The following CLUH variants were observed in gnomAD, a reference collection of about 807,000 sequenced individuals.
The protein encoded by CLUH is clustered mitochondria protein homolog.
CLUH carries 77 observed loss-of-function variants against 139.3 expected under a neutral mutation model. That is an observed-to-expected ratio of 0.55 (90% CI 0.46 to 0.67). The LOEUF is 0.67. Ranked by LOEUF, CLUH falls within the 30% of genes least tolerant of loss-of-function variation. The pLI is 0.00. For synonymous variants in CLUH, 999 were observed against 801.6 expected, an observed-to-expected ratio of 1.25 and a Z score of -4.16; for missense variants, 1,876 against 1,875.8, an observed-to-expected ratio of 1.00 and a Z score of 0.00.
chr17:2,699,627 TGAG>T (rs2151710073), intron 9 of CLUH, among the ~76,000 whole-genome samples: 2 of 140,310 alleles, frequency 1.4e-5, no homozygotes, highest in South Asian at 4.9e-4. Flanking sequence ...TGTGCCTGGC[TGAG>T]ATTTCTTTTT....
At position 2,704,277 on chromosome 17, in the gene CLUH, A is replaced by G. The variant is rs940780482; in HGVS notation, c.303+85T>C. The G allele has an allele frequency of 4.2e-5, 59 of 1,400,676 alleles. 1 individual carries two copies. The East Asian group carries it at 1.4e-3, about 33-fold the overall frequency. The allele number at this position is 1,400,676 out of a possible 1,614,324, so 86.8% of individuals were successfully genotyped here. A position where few individuals can be genotyped will look rare whatever the true frequency, so the allele number is the denominator to read the frequency against. On this transcript the variant is annotated intron_variant, in intron 2 of 25. Coordinates refer to ENST00000651024, the MANE Select transcript of CLUH (RefSeq NM_001366661.1). This position sits in a 1 kb window ranked among gnomAD's most constrained non-coding sequence, Gnocchi z 5.7. ...TTTCCTGCCACAAAATGGGGCCGGT[A>G]GGAGCACGAGCAAGGCTGAGCTTTC...
intron 1 of CLUH, among the ~76,000 whole-genome samples, chr17:2,708,800 G>A (rs900392877): frequency 2.0e-5 from 3 of 149,538 alleles, no homozygotes; most frequent in African/African-American, 7.4e-5. Flanking sequence ...CTCCCGAGGG[G>A]CCCGGCAGCA....
At chr17:2,709,282 C>A (rs1411898056) in intron 1 of CLUH, among the ~76,000 whole-genome samples, 1 of 152,174 alleles carries the variant, frequency 6.6e-6, no homozygotes, top group African/African-American at 2.4e-5. Context: ...AGGTGCATCA[C>A]CCGTCCCGGG....
Position 2,701,664 on chromosome 17 carries a change from C to A in CLUH, c.693G>T (p.Gly231=). 6.2e-7 allele frequency: 1 copy of A among 1,601,400 alleles called. No homozygotes were observed. Among genetic ancestry groups the A allele is most frequent in the Non-Finnish European group, 8.5e-7 (1 of 1,173,878 alleles). Residue 231 remains glycine, a synonymous_variant, in exon 5 of 26, where the codon GGG becomes GGT. Coordinates refer to ENST00000651024, the MANE Select transcript of CLUH (RefSeq NM_001366661.1). ...DCTPPEYILP[G]SRERPLCPLQ... ...GGGGACACAGTGGCCGCTCCCGGCT[C>A]CCTGGCAGGATGTACTCGGGTGGTG...
At chr17:2,709,822 TGGCTGTAACGTA>T (rs2070457751) in intron 1 of CLUH, among the ~76,000 whole-genome samples, 2 of 152,162 alleles carry the variant, frequency 1.3e-5, no homozygotes, top group African/African-American at 2.4e-5. Flanking sequence ...AGATCCGGGC[TGGCTGTAACGTA>T]AGTCCTAGCT....
chr17:2,694,821 A>AAGCCCCCCC, intron 16 of CLUH, 36 bp downstream of exon 16: 1 of 1,446,332 alleles, frequency 6.9e-7, no homozygotes, highest in Non-Finnish European at 9.2e-7. Flanking sequence ...CATCTGCCCA[A>AAGCCCCCCC]TCCCACCCAC....
intron 1 of CLUH, among the ~76,000 whole-genome samples, chr17:2,705,436 G>A (rs2070324241): frequency 6.6e-6 from 1 of 152,024 alleles, no homozygotes; most frequent in Non-Finnish European, 1.5e-5. Context: ...TCCCTGCTGA[G>A]GTCTAAGGAC....
intron 20 of CLUH, 21 bp from the exon 21 acceptor site, chr17:2,692,717 G>A (rs1328278174): frequency 1.6e-5 from 26 of 1,606,522 alleles, no homozygotes; most frequent in African/African-American, 2.7e-5. Context: ...GGCGGAGACA[G>A]GTCAGGGTGG....
intron 17 of CLUH, 86 bp from the exon 18 acceptor site, chr17:2,694,362 GACGGCTACCGTGAAAAAGCC>G (rs991687792): frequency 6.6e-7 from 1 of 1,522,116 alleles, no homozygotes; most frequent in African/African-American, 1.4e-5. Flanking sequence ...CTTGCGCACA[GACGGCTACCGTGAAAAAGCC>G]ACTTCCCCTG....
In CLUH at chr17:2,692,855, C is replaced by G. The variant is rs757817381; in HGVS notation, c.3237G>C (p.Leu1079=). The change falls in exon 20 of 26, where the codon CTG becomes CTC. Residue 1079 remains leucine, a synonymous_variant. Transcript: ENST00000651024. ...TCAGCACCGCCTTCTGCTGGTTACTCAGGGCCTGGGGAGAGACAGTGGTGG... is the reference window on the plus strand; with the variant it reads ...TCAGCACCGCCTTCTGCTGGTTACTGAGGGCCTGGGGAGAGACAGTGGTGG... ...HYIMGDYAEA[L]SNQQKAVLMS... 3 of 1,596,192 alleles carry G rather than the reference C, an allele frequency of 1.9e-6. No homozygotes were observed. Among genetic ancestry groups the G allele is most frequent in the Admixed American group, 3.4e-5 (2 of 58,896 alleles).
At chr17:2,708,306 A>G (rs2070406393) in intron 1 of CLUH, among the ~76,000 whole-genome samples, 1 of 152,164 alleles carries the variant, frequency 6.6e-6, no homozygotes, top group African/African-American at 2.4e-5. Context: ...CCAGGCCTAG[A>G]CAGAGCCCCT....
At chr17:2,700,996 G>A in intron 7 of CLUH, 144 bp downstream of exon 7, 1 of 1,467,874 alleles carries the variant, frequency 6.8e-7, no homozygotes, top group Non-Finnish European at 9.1e-7. Context: ...TCTCGGCACT[G>A]GCCGACAGCT....
At position 2,690,177 on chromosome 17, in the gene CLUH, G is replaced by A. The variant is rs1283998554; in HGVS notation, c.*417C>T. 5.8e-6 allele frequency: 1 copy of A among 173,214 alleles called. No individual in the cohort carries two copies. The highest frequency in any genetic ancestry group is 2.4e-5 in the African/African-American group (1 of 42,322). The allele number at this position is 173,214 out of a possible 1,614,324, so 10.7% of individuals were successfully genotyped here. A position where few individuals can be genotyped will look rare whatever the true frequency, so the allele number is the denominator to read the frequency against. On this transcript the variant is annotated 3_prime_UTR_variant, in exon 26 of 26. Coordinates refer to ENST00000651024, the MANE Select transcript of CLUH (RefSeq NM_001366661.1). ...CAGCCATCATGTCGACCATACAAAT[G>A]ACCTGAGAAATCCCGTCTGCGCGTC...
intron 9 of CLUH, among the ~76,000 whole-genome samples, chr17:2,699,543 G>C (rs932110023): frequency 4.6e-5 from 7 of 151,982 alleles, no homozygotes; most frequent in Non-Finnish European, 8.8e-5. Flanking sequence ...TCGTAGGCTG[G>C]TTTCCAACTC....
intron 9 of CLUH, 29 bp from the exon 10 acceptor site, chr17:2,698,619 G>C: frequency 1.3e-6 from 2 of 1,535,512 alleles, no homozygotes; most frequent in Non-Finnish European, 1.8e-6. Context: ...GGCAGGGTTA[G>C]AGGCCGCGCC....
chr17:2,703,805 A>G lies in CLUH; in HGVS notation c.304-316T>C, dbSNP rs1385325146. ...GAAGGGAGATGAAGAACAGCGGGACAGAAGACGGCAGGCTCGCCCCCGGCC... is the reference window on the plus strand; with the variant it reads ...GAAGGGAGATGAAGAACAGCGGGACGGAAGACGGCAGGCTCGCCCCCGGCC... On this transcript the variant is annotated intron_variant, in intron 2 of 25. Transcript: ENST00000651024. The surrounding 1 kb of genome is among the most constrained non-coding windows in gnomAD (Gnocchi z 4.2). Among the ~76,000 whole-genome samples the G allele has an allele frequency of 6.6e-6, 1 of 152,082 alleles. No individual in the cohort carries two copies. Among genetic ancestry groups the G allele is most frequent in the African/African-American group, 2.4e-5 (1 of 41,412 alleles).
chr17:2,694,111 C>G lies in CLUH; in HGVS notation c.3091+12G>C. ...AACCCCCACCTCCACCCAGCCCCACCTGGCCACACACCCTGCTGCACTTTG... is the reference window on the plus strand; with the variant it reads ...AACCCCCACCTCCACCCAGCCCCACGTGGCCACACACCCTGCTGCACTTTG... On this transcript the variant is annotated intron_variant, in intron 18 of 25. Coordinates refer to ENST00000651024, the MANE Select transcript of CLUH (RefSeq NM_001366661.1). 2 of 1,613,950 alleles carry G rather than the reference C, an allele frequency of 1.2e-6. No homozygotes were observed. Among genetic ancestry groups the G allele is most frequent in the Admixed American group, 1.7e-5 (1 of 60,024 alleles).
At chr17:2,708,599 A>G (rs1418098908) in intron 1 of CLUH, among the ~76,000 whole-genome samples, 1 of 151,930 alleles carries the variant, frequency 6.6e-6, no homozygotes. Context: ...TGTTACTATC[A>G]CATTTGGGAT....
chr17:2,691,497 G>T, intron 25 of CLUH, 112 bp downstream of exon 25: 1 of 1,056,968 alleles, frequency 9.5e-7, no homozygotes, highest in South Asian at 1.4e-5. Flanking sequence ...GGAGGCGGAG[G>T]CTGCAGTGAG....
Sources: gnomAD v4.1 joint callset for allele counts (sites outside exome capture counted in the v4.1 genomes callset) on GRCh38, gnomAD v4.1.1 for gene constraint, Gnocchi (gnomAD v3.1) non-coding constraint, MANE v1.5 for transcripts, NCBI Gene and HGNC (gene_info 2026-07-23, HGNC 2026-07-21) for gene names.